PCGF5: variants seen among roughly 807,000 people sequenced by gnomAD.
PCGF5 encodes the protein polycomb group RING finger protein 5.
A neutral mutation model predicts 44.3 loss-of-function variants in PCGF5; 9 were observed. The ratio of observed to expected loss-of-function variants is 0.20; its 90% CI spans 0.12 to 0.35. PCGF5 has a LOEUF of 0.35. PCGF5 is among the 10% of genes least tolerant of loss of function. PCGF5 has a pLI of 1.00. For missense variants in PCGF5, 146 were observed against 305.3 expected, an observed-to-expected ratio of 0.48 and a Z score of 3.89; for synonymous variants, 95 against 102.5, an observed-to-expected ratio of 0.93 and a Z score of 0.44.
At chr10:91,214,666 A>T (rs1844510106) in intron 1 of PCGF5, among the ~76,000 whole-genome samples, 1 of 152,228 alleles carries the variant, frequency 6.6e-6, no homozygotes, top group Non-Finnish European at 1.5e-5. Flanking sequence ...AGACAAGCAC[A>T]CTGGTAGAGG....
intron 1 of PCGF5, among the ~76,000 whole-genome samples, chr10:91,190,251 C>T (rs539595032): frequency 6.6e-6 from 1 of 152,312 alleles, no homozygotes; most frequent in African/African-American, 2.4e-5. Flanking sequence ...TTCTCATGAT[C>T]CAGTCACCTT....
chr10:91,233,554 C>T (rs1025283338), intron 2 of PCGF5, among the ~76,000 whole-genome samples: 8 of 152,008 alleles, frequency 5.3e-5, no homozygotes, highest in Non-Finnish European at 1.5e-5. Context: ...TATATATACA[C>T]ATATACATAC....
rs984548015 is a variant in PCGF5 at position 91,248,786 on chromosome 10, T to C, written c.325+62T>C. 2.7e-5 allele frequency: 36 copies of C among 1,343,952 alleles called. No homozygotes were observed. In the Middle Eastern group the frequency reaches 1.6e-3, roughly 59 times the overall value. The allele number at this position is 1,343,952 out of a possible 1,614,324, so 83.3% of individuals were successfully genotyped here. On this transcript the variant is annotated intron_variant, in intron 5 of 9. Coordinates refer to ENST00000336126, the MANE Select transcript of PCGF5 (RefSeq NM_032373.5). ...TTAAACTGGTCAGCTTTTCATAGTT[T>C]AGGTGAACTAATATGTCTCTTCAGG...
At chr10:91,235,809 C>T (rs1845145886) in intron 2 of PCGF5, among the ~76,000 whole-genome samples, 1 of 152,196 alleles carries the variant, frequency 6.6e-6, no homozygotes, top group South Asian at 2.1e-4. Context: ...GTGACTTGCT[C>T]CTCCTTGCCT....
intron 7 of PCGF5, among the ~76,000 whole-genome samples, chr10:91,262,212 G>C (rs979530373): frequency 6.6e-6 from 1 of 152,096 alleles, no homozygotes; most frequent in Non-Finnish European, 1.5e-5. Flanking sequence ...GGTCACTCAA[G>C]GTCAGGAGTT....
chr10:91,162,544 G>T (rs984628566), upstream of PCGF5, among the ~76,000 whole-genome samples: 1 of 152,122 alleles, frequency 6.6e-6, no homozygotes, highest in African/African-American at 2.4e-5. Context: ...TCCGGCCTGA[G>T]AAGTTTCGAA....
the PCGF5 span, among the ~76,000 whole-genome samples, chr10:91,158,008 G>A: frequency 2.8e-4 from 42 of 152,210 alleles, no homozygotes; most frequent in Non-Finnish European, 4.9e-4. Flanking sequence ...GTAAAAGAGA[G>A]AAGTGGGACA....
chr10:91,219,065 T>A, upstream of PCGF5, among the ~76,000 whole-genome samples: 1 of 152,206 alleles, frequency 6.6e-6, no homozygotes. Context: ...CACAGAACAC[T>A]TAACTGCAAA....
chr10:91,171,642 A>G (rs1843607746), intron 1 of PCGF5, among the ~76,000 whole-genome samples: 1 of 152,180 alleles, frequency 6.6e-6, no homozygotes, highest in African/African-American at 2.4e-5. Context: ...AGCAGGGAAT[A>G]TGAGATTAGA....
intron 5 of PCGF5, among the ~76,000 whole-genome samples, chr10:91,251,057 A>G (rs2089851110): frequency 1.3e-5 from 2 of 151,430 alleles, no homozygotes; most frequent in South Asian, 4.2e-4. Context: ...TGGATGTCCC[A>G]ATGAGCCTAG....
intron 1 of PCGF5, among the ~76,000 whole-genome samples, chr10:91,169,808 A>C (rs1392434322): frequency 6.6e-6 from 1 of 152,242 alleles, no homozygotes; most frequent in African/African-American, 2.4e-5. Flanking sequence ...AAAAGACCTA[A>C]AATAGCACAA....
chr10:91,169,530 A>G lies in PCGF5; in HGVS notation c.-184+6449A>G, dbSNP rs150948312. Among the ~76,000 whole-genome samples, 435 of 152,360 alleles carry G rather than the reference A, an allele frequency of 2.9e-3. 2 individuals carry two copies. The highest frequency in any genetic ancestry group is 5.1e-3 in the Non-Finnish European group (349 of 68,014). ...TGAAATTAAAAACAATCTCATTTAC[A>G]TTAGCACCTCAGACAAAACAAAATA... On this transcript the variant is annotated intron_variant, in intron 1 of 9. Transcript: ENST00000614189.
chr10:91,183,624 A>G (rs547712258), intron 1 of PCGF5, among the ~76,000 whole-genome samples: 7 of 152,192 alleles, frequency 4.6e-5, no homozygotes, highest in African/African-American at 1.7e-4. Flanking sequence ...TTAGCTGATT[A>G]TTTTGCAGAC....
At chr10:91,237,502 G>A (rs910200437) in intron 2 of PCGF5, among the ~76,000 whole-genome samples, 1 of 152,184 alleles carries the variant, frequency 6.6e-6, no homozygotes, top group African/African-American at 2.4e-5. Flanking sequence ...CAGCACTTTG[G>A]GAGGCCGAAG....
intron 9 of PCGF5, among the ~76,000 whole-genome samples, chr10:91,277,776 A>C (rs2133473712): frequency 6.6e-6 from 1 of 152,300 alleles, no homozygotes; most frequent in Non-Finnish European, 1.5e-5. Context: ...TCAAACTTGT[A>C]AGAAATATGA....
chr10:91,248,633 CTT>C (rs1554849640), intron 4 of PCGF5, 30 bp from the exon 5 acceptor site: 1 of 1,598,576 alleles, frequency 6.3e-7, no homozygotes, highest in Non-Finnish European at 8.6e-7. Flanking sequence ...GATTTCATGA[CTT>C]TTACTTTTAT....
At chr10:91,216,429 TGGGGGTGG>T (rs1287318627), upstream of PCGF5, among the ~76,000 whole-genome samples, 1 of 151,762 alleles carries the variant, frequency 6.6e-6, no homozygotes, top group Non-Finnish European at 1.5e-5. Flanking sequence ...AGAGTTCAAG[TGGGGGTGG>T]GGAGGCTGTA....
At position 91,271,670 on chromosome 10, in the gene PCGF5, C is replaced by G; in HGVS notation, c.696C>G (p.Val232=). 6.2e-7 allele frequency: 1 copy of G among 1,613,948 alleles called. No individual in the cohort carries two copies. Among genetic ancestry groups the G allele is most frequent in the Non-Finnish European group, 8.5e-7 (1 of 1,179,892 alleles). Residue 232 remains valine, a synonymous_variant, in exon 9 of 10, where the codon GTC becomes GTG. Coordinates refer to ENST00000336126, the MANE Select transcript of PCGF5 (RefSeq NM_032373.5). ...FRCLNCSASQ[V]CSQDGPLYQS... ...GTCTGAACTGCTCAGCTTCGCAAGTCTGCTCTCAGGATGGCCCTTTGTATC... is the reference window on the plus strand; with the variant it reads ...GTCTGAACTGCTCAGCTTCGCAAGTGTGCTCTCAGGATGGCCCTTTGTATC...
At chr10:91,215,607 C>G (rs554833898), upstream of PCGF5, among the ~76,000 whole-genome samples, 1 of 152,360 alleles carries the variant, frequency 6.6e-6, no homozygotes, top group African/African-American at 2.4e-5. Flanking sequence ...CACCACCCAG[C>G]CCTTCAGGGC....
Sources: gnomAD v4.1 joint callset for allele counts (sites outside exome capture counted in the v4.1 genomes callset) on GRCh38, gnomAD v4.1.1 for gene constraint, MANE v1.5 for transcripts, NCBI Gene and HGNC (gene_info 2026-07-23, HGNC 2026-07-21) for gene names.